The following CCNH variants were observed in gnomAD, a reference collection of about 807,000 sequenced individuals.
CCNH encodes cyclin H, also known as cyclin-H.
A neutral mutation model predicts 41.9 loss-of-function variants in CCNH; 31 were observed. The observed-to-expected ratio is 0.74, with a 90% CI of 0.56 to 1.00. The LOEUF is 1.00. Among genes scored for constraint, CCNH ranks in the 50% least tolerant of loss-of-function variants. The probability of loss-of-function intolerance (pLI) is 0.00; values close to 1 mark genes in which losing one functional copy is unlikely to be tolerated. For synonymous variants in CCNH, 138 were observed against 136.1 expected (o/e 1.01, Z -0.10); for missense variants, 362 against 388.4 (o/e 0.93, Z 0.57).
At chr5:87,389,260 G>A (rs1762288726), downstream of CCNH, 1 of 1,123,546 alleles carries the variant, frequency 8.9e-7, no homozygotes. Context: ...GAACCCGGGA[G>A]GCGGAGGTTG....
At chr5:87,406,450 C>T (rs530076182) in intron 4 of CCNH, among the ~76,000 whole-genome samples, 12 of 152,266 alleles carry the variant, frequency 7.9e-5, no homozygotes, top group African/African-American at 2.9e-4. Context: ...AATCAATCCT[C>T]ATGTTCTATT....
At chr5:87,325,974 C>T (rs1757202403) in intron 9 of CCNH, among the ~76,000 whole-genome samples, 1 of 152,062 alleles carries the variant, frequency 6.6e-6, no homozygotes, top group East Asian at 1.9e-4. Flanking sequence ...CCCCCACCCC[C>T]TTTTTTATTT....
chr5:87,393,753 A>G (rs910045925), downstream of CCNH: 1 of 152,236 alleles, frequency 6.6e-6, no homozygotes, highest in African/African-American at 2.4e-5. Flanking sequence ...AGAGCCTAGG[A>G]GTCTGAGACA....
chr5:87,372,231 A>AT (rs372698116), downstream of CCNH: 284 of 1,570,214 alleles, frequency 1.8e-4, no homozygotes, highest in African/African-American at 2.0e-3. Context: ...TAATTGTCAC[A>AT]TTTTGCTCTA....
intron 5 of CCNH, among the ~76,000 whole-genome samples, chr5:87,403,257 A>T (rs1189271293): frequency 6.6e-6 from 1 of 150,732 alleles, no homozygotes; most frequent in Non-Finnish European, 1.5e-5. Context: ...CCCAATGTCT[A>T]GTCTCTGGGA....
At chr5:87,363,835 G>A (rs1191986562) in intron 9 of CCNH, among the ~76,000 whole-genome samples, 2 of 151,976 alleles carry the variant, frequency 1.3e-5, no homozygotes, top group Non-Finnish European at 2.9e-5. Context: ...GTACCCAAGA[G>A]TACTAGGTGC....
At chr5:87,328,970 T>G (rs982261311) in intron 9 of CCNH, among the ~76,000 whole-genome samples, 1 of 63,048 alleles carries the variant, frequency 1.6e-5, no homozygotes, top group Non-Finnish European at 4.2e-5. Context: ...GCTGGATAAT[T>G]TAATTGCAGT....
At position 87,383,919 on chromosome 5, in the gene CCNH, C is replaced by T. The variant is rs896977842; in HGVS notation, c.*90+8851G>A. 7 of 750,742 alleles carry T rather than the reference C, an allele frequency of 9.3e-6. No homozygotes were observed. In the African/African-American group the frequency reaches 1.1e-4, roughly 12 times the overall value. 46.5% of individuals were successfully genotyped at this position (750,742 alleles called of 1,614,324 possible). On this transcript the variant is annotated intron_variant and NMD_transcript_variant, in intron 9 of 9. Coordinates refer to the CCNH transcript ENST00000645953. ...GGCATATATGAAGTATTCCAAAGCA[C>T]CCTTCCTTCCTTGTGCTTGTGCTTC...
intron 9 of CCNH, chr5:87,369,998 CAG>C: frequency 2.0e-6 from 2 of 1,019,680 alleles, no homozygotes; most frequent in Non-Finnish European, 3.0e-6. Flanking sequence ...GATAAAGTGA[CAG>C]AACGCCTGAA....
chr5:87,355,681 T>C (rs971450090), intron 9 of CCNH, among the ~76,000 whole-genome samples: 1 of 152,188 alleles, frequency 6.6e-6, no homozygotes, highest in African/African-American at 2.4e-5. Context: ...AATGTTATGT[T>C]TGCAAAAAAT....
chr5:87,394,796 T>TGTA (rs1478866004), intron 8 of CCNH: 2 of 1,342,108 alleles, frequency 1.5e-6, no homozygotes, highest in Non-Finnish European at 9.5e-7. Context: ...AAAGCAAAAA[T>TGTA]GTAGTATGTA....
At chr5:87,371,168 A>G (rs79333594) in intron 9 of CCNH, among the ~76,000 whole-genome samples, 1,822 of 152,226 alleles carry the variant, frequency 0.012, 28 homozygotes, top group African/African-American at 0.041. Flanking sequence ...TTGCAAGCCT[A>G]ACATAGAACA....
chr5:87,394,594 C>T, intron 8 of CCNH, 110 bp from the exon 9 acceptor site: 1 of 1,542,102 alleles, frequency 6.5e-7, no homozygotes, highest in Non-Finnish European at 8.7e-7. Flanking sequence ...ATGTGGATTA[C>T]AAAAGATAAA....
chr5:87,331,278 T>A lies in CCNH; in HGVS notation c.*91-12381A>T, dbSNP rs144120705. 5.9e-4 allele frequency: 862 copies of A among 1,465,762 alleles called. 6 individuals are homozygous for A. In the African/African-American group the frequency reaches 0.011, roughly 19 times the overall value. 90.8% of individuals were successfully genotyped at this position (1,465,762 alleles called of 1,614,324 possible). A position where few individuals can be genotyped will look rare whatever the true frequency, so the allele number is the denominator to read the frequency against. On this transcript the variant is annotated intron_variant and NMD_transcript_variant, in intron 9 of 9. Coordinates refer to the CCNH transcript ENST00000645953. ...GGCATTTAAAACCTCTAGTAGTATG[T>A]TTTTCAAGTGTCCATAGAAATTCTG...
At chr5:87,359,480 C>G (rs1759910546) in intron 9 of CCNH, among the ~76,000 whole-genome samples, 1 of 152,084 alleles carries the variant, frequency 6.6e-6, no homozygotes, top group African/African-American at 2.4e-5. Flanking sequence ...CTAGTCCCCA[C>G]TTTAATATGA....
chr5:87,407,359 G>A (rs1018694160), intron 4 of CCNH, among the ~76,000 whole-genome samples: 1 of 152,072 alleles, frequency 6.6e-6, no homozygotes, highest in Admixed American at 6.5e-5. Context: ...ACAAAGTTTG[G>A]CACATAGAAG....
intron 9 of CCNH, among the ~76,000 whole-genome samples, chr5:87,335,327 A>AT (rs1757885242): frequency 6.6e-6 from 1 of 151,704 alleles, no homozygotes; most frequent in South Asian, 2.1e-4. Context: ...AAAAATTTGA[A>AT]TTTTAGACAT....
chr5:87,395,107 A>G lies in CCNH; in HGVS notation c.873-3T>C, dbSNP rs1281758710. 2.5e-6 allele frequency: 4 copies of G among 1,608,322 alleles called. No homozygotes were observed. Among genetic ancestry groups the G allele is most frequent in the East Asian group, 2.2e-5 (1 of 44,734 alleles). On this transcript the variant is annotated splice_polypyrimidine_tract_variant and splice_region_variant and intron_variant, in intron 7 of 8. Transcript: ENST00000256897. Reference sequence around the variant, plus strand: ...CTTCATAGCCTTTCCTCTTCTTCCTATAATTAAGCAACTATCAATAAGCAA... The same window carrying G: ...CTTCATAGCCTTTCCTCTTCTTCCTGTAATTAAGCAACTATCAATAAGCAA...
In CCNH at chr5:87,338,529, A is replaced by T. The variant is rs1203564688; in HGVS notation, c.*91-19632T>A. Among the ~76,000 whole-genome samples, 159 of 92,366 alleles carry T rather than the reference A, an allele frequency of 1.7e-3. 3 individuals are homozygous for T. Among genetic ancestry groups the T allele is most frequent in the African/African-American group, 6.1e-3 (136 of 22,264 alleles). 60.6% of individuals were successfully genotyped at this position (92,366 alleles called of 152,430 possible). A position where few individuals can be genotyped will look rare whatever the true frequency, so the allele number is the denominator to read the frequency against. Reference sequence around the variant, plus strand: ...TATATATATATATATATATATATATATATAAAATTTTTTTTTTTTTTAAGT... The same window carrying T: ...TATATATATATATATATATATATATTTATAAAATTTTTTTTTTTTTTAAGT... On this transcript the variant is annotated intron_variant and NMD_transcript_variant, in intron 9 of 9. Coordinates refer to the CCNH transcript ENST00000645953.
Sources: allele counts gnomAD v4.1 joint callset (sites outside exome capture counted in the v4.1 genomes callset), GRCh38; gene constraint gnomAD v4.1.1; transcripts MANE v1.5; gene names NCBI Gene and HGNC (gene_info 2026-07-23, HGNC 2026-07-21).